The following UBN2 variants were observed in gnomAD, a reference collection of about 807,000 sequenced individuals.
UBN2 encodes the protein ubinuclein-2.
UBN2 carries 35 observed loss-of-function variants against 120.2 expected under a neutral mutation model. That is an observed-to-expected ratio of 0.29 (90% CI 0.22 to 0.39). The LOEUF (loss-of-function observed/expected upper bound fraction) is 0.39, where lower values mean the gene tolerates loss of function less well. UBN2 is among the 10% of genes least tolerant of loss of function. UBN2 has a pLI of 1.00. For synonymous variants in UBN2, 661 were observed against 648.7 expected (o/e 1.02, Z -0.29); for missense variants, 1,693 against 1,663.2 (o/e 1.02, Z -0.31).
intron 4 of UBN2, 98 bp downstream of exon 4, chr7:139,258,723 A>G (rs1385074395): frequency 9.2e-7 from 1 of 1,088,548 alleles, no homozygotes; most frequent in East Asian, 2.7e-5. Context: ...AAGGAAAAGT[A>G]AAATACAAAC....
In UBN2 at chr7:139,283,073, C is replaced by A. The variant is rs755877425; in HGVS notation, c.2168C>A (p.Ser723Ter). Reference sequence around the variant, plus strand: ...AAAACTCCAACATCCCTGGTGGCTTCGGTTAGCGGTCCTCCAACGAGCTCC... The same window carrying A: ...AAAACTCCAACATCCCTGGTGGCTTAGGTTAGCGGTCCTCCAACGAGCTCC... The part of the protein sequence containing the change: ...DQKTPTSLVA[S>*]VSGPPTSSST... Residue 723 changes from serine to a stop codon, truncating the protein, a stop_gained, in exon 15 of 18, where the codon TCG (serine) becomes TAG (stop). Transcript: ENST00000473989. LOFTEE classifies it high-confidence loss of function. 6.2e-7 allele frequency: 1 copy of A among 1,612,150 alleles called. No homozygotes were observed. Among genetic ancestry groups the A allele is most frequent in the African/African-American group, 1.3e-5 (1 of 74,530 alleles).
intron 7 of UBN2, among the ~76,000 whole-genome samples, chr7:139,267,394 G>A (rs1057449941): frequency 6.6e-6 from 1 of 152,018 alleles, no homozygotes; most frequent in African/African-American, 2.4e-5. Flanking sequence ...AAATTAGCCA[G>A]GTGTGGTAGT....
At chr7:139,261,218 C>T in intron 5 of UBN2, 34 bp from the exon 6 acceptor site, 1 of 1,550,986 alleles carries the variant, frequency 6.4e-7, no homozygotes, top group East Asian at 2.2e-5. Context: ...TTTAAAATCA[C>T]ACATAGCCTA....
chr7:139,276,461 G>T, intron 12 of UBN2: 1 of 364,650 alleles, frequency 2.7e-6, no homozygotes, highest in Non-Finnish European at 5.1e-6. Flanking sequence ...ATGTCCATCT[G>T]CATTTGTAAT....
chr7:139,268,877 A>G (rs1199935014), intron 7 of UBN2, among the ~76,000 whole-genome samples: 1 of 152,224 alleles, frequency 6.6e-6, no homozygotes, highest in Non-Finnish European at 1.5e-5. Flanking sequence ...CTCTTAAACT[A>G]GATTGATAGA....
Position 139,299,233 on chromosome 7 carries a change from A to G in UBN2, c.*1397A>G, listed in dbSNP as rs1798196077. ...GTTTTTTAAGCTTCTGAATATTTTC[A>G]TACTATATCAGAGAATGGTGTAAAC... On this transcript the variant is annotated 3_prime_UTR_variant, in exon 18 of 18. Coordinates refer to ENST00000473989, the MANE Select transcript of UBN2 (RefSeq NM_173569.4). 1 of 152,142 alleles carries G rather than the reference A, an allele frequency of 6.6e-6. No homozygotes were observed. Among genetic ancestry groups the G allele is most frequent in the Admixed American group, 6.5e-5 (1 of 15,280 alleles). The allele number at this position is 152,142 out of a possible 1,614,324, so 9.4% of individuals were successfully genotyped here. A position where few individuals can be genotyped will look rare whatever the true frequency, so the allele number is the denominator to read the frequency against.
chr7:139,262,802 G>A (rs1221070975), intron 6 of UBN2, among the ~76,000 whole-genome samples: 2 of 151,984 alleles, frequency 1.3e-5, no homozygotes, highest in Non-Finnish European at 2.9e-5. Flanking sequence ...TAAACAGCGG[G>A]ATTCACCTGA....
chr7:139,290,332 C>T (rs1274085167), intron 15 of UBN2, among the ~76,000 whole-genome samples: 4 of 152,078 alleles, frequency 2.6e-5, no homozygotes, highest in Non-Finnish European at 5.9e-5. Flanking sequence ...TAAATGTACC[C>T]ATTTTATATA....
intron 7 of UBN2, among the ~76,000 whole-genome samples, chr7:139,267,753 A>G (rs894744356): frequency 6.6e-6 from 1 of 152,212 alleles, no homozygotes; most frequent in East Asian, 1.9e-4. Context: ...CAGAAAATGT[A>G]TAACTTAGTC....
chr7:139,305,568 A>C lies in UBN2; in HGVS notation c.*7732A>C, dbSNP rs1798343152. Reference sequence around the variant, plus strand: ...ATCTTTAATTTCCTTATATTGTGATAGTTCTACTTTTCAGTCTTTCCTGTG... The same window carrying C: ...ATCTTTAATTTCCTTATATTGTGATCGTTCTACTTTTCAGTCTTTCCTGTG... On this transcript the variant is annotated 3_prime_UTR_variant, in exon 18 of 18. Coordinates refer to ENST00000473989, the MANE Select transcript of UBN2 (RefSeq NM_173569.4). 6.6e-6 allele frequency: 1 copy of C among 152,224 alleles called. No individual in the cohort carries two copies. Among genetic ancestry groups the C allele is most frequent in the African/African-American group, 2.4e-5 (1 of 41,458 alleles). 9.4% of individuals were successfully genotyped at this position (152,224 alleles called of 1,614,324 possible). A position where few individuals can be genotyped will look rare whatever the true frequency, so the allele number is the denominator to read the frequency against.
At position 139,298,469 on chromosome 7, in the gene UBN2, A is replaced by G. The variant is rs2131077886; in HGVS notation, c.*633A>G. On this transcript the variant is annotated 3_prime_UTR_variant, in exon 18 of 18. Coordinates refer to ENST00000473989, the MANE Select transcript of UBN2 (RefSeq NM_173569.4). ...TCCTTCAGGAAAGTTATTTTAGCACAGTGATATATATTATTAAATCATCTA... is the reference window on the plus strand; with the variant it reads ...TCCTTCAGGAAAGTTATTTTAGCACGGTGATATATATTATTAAATCATCTA... 1 of 152,340 alleles carries G rather than the reference A, an allele frequency of 6.6e-6. No individual in the cohort carries two copies. The highest frequency in any genetic ancestry group is 1.9e-4 in the East Asian group (1 of 5,190). The allele number at this position is 152,340 out of a possible 1,614,324, so 9.4% of individuals were successfully genotyped here. A position where few individuals can be genotyped will look rare whatever the true frequency, so the allele number is the denominator to read the frequency against.
intron 9 of UBN2, 42 bp downstream of exon 9, chr7:139,272,482 A>C (rs752244917): frequency 1.4e-6 from 2 of 1,415,718 alleles, no homozygotes; most frequent in Non-Finnish European, 2.0e-6. Flanking sequence ...GCATTTGAGA[A>C]GTGTATGTAC....
At chr7:139,257,072 G>T (rs1049613236) in intron 3 of UBN2, among the ~76,000 whole-genome samples, 2 of 152,186 alleles carry the variant, frequency 1.3e-5, no homozygotes, top group African/African-American at 2.4e-5. Context: ...CGGAAGTAGA[G>T]GTCTAGAGAT....
Position 139,259,347 on chromosome 7 carries a change from G to T in UBN2, c.882G>T (p.Arg294Ser), listed in dbSNP as rs755998109. 9.3e-6 allele frequency: 15 copies of T among 1,613,660 alleles called. No individual in the cohort carries two copies. Among genetic ancestry groups the T allele is most frequent in the Non-Finnish European group, 1.3e-5 (15 of 1,179,888 alleles). The change falls in exon 5 of 18, where the codon AGG becomes AGT. Residue 294 changes from arginine to serine, a missense_variant. Transcript: ENST00000473989. ...AAGGGGAAAAGGAGAAGAAGCCAAG[G>T]AAAAAAGTTCCCAAACAACTGGGGT... ...KEEGEKEKKP[R>S]KKVPKQLGVV... is the part of the protein sequence containing the mutation.
chr7:139,310,102 G>A (rs1453018540), downstream of UBN2, among the ~76,000 whole-genome samples: 1 of 152,104 alleles, frequency 6.6e-6, no homozygotes, highest in Non-Finnish European at 1.5e-5. Context: ...CTGGAAGAAG[G>A]GGAAAGAAAG....
chr7:139,293,570 T>A, intron 16 of UBN2, 107 bp downstream of exon 16: 2 of 941,116 alleles, frequency 2.1e-6, no homozygotes, highest in South Asian at 1.9e-5. Flanking sequence ...ATGAAGATTA[T>A]AGTTTTTTTT....
the UBN2 span, among the ~76,000 whole-genome samples, chr7:139,321,742 A>G: frequency 6.6e-6 from 1 of 152,120 alleles, no homozygotes; most frequent in African/African-American, 2.4e-5. Flanking sequence ...ACCATTTGGA[A>G]TCTGTCACTC....
the UBN2 span, among the ~76,000 whole-genome samples, chr7:139,313,716 A>G: frequency 9.2e-5 from 14 of 152,006 alleles, no homozygotes; most frequent in Admixed American, 8.5e-4. Context: ...GTTATTCTAG[A>G]TTTTTGGTAT....
At chr7:139,251,840 C>T (rs1300001571) in intron 2 of UBN2, 116 bp from the exon 3 acceptor site, 1 of 841,348 alleles carries the variant, frequency 1.2e-6, no homozygotes, top group Admixed American at 2.2e-5. Context: ...AGGACTTAAA[C>T]CTCCTGGAGA....
Sources: allele counts gnomAD v4.1 joint callset (sites outside exome capture counted in the v4.1 genomes callset), GRCh38; gene constraint gnomAD v4.1.1; transcripts MANE v1.5; gene names NCBI Gene and HGNC (gene_info 2026-07-23, HGNC 2026-07-21).